Variants in FAF1 observed in about 807,000 individuals in gnomAD.
FAF1 encodes Fas associated factor 1, also known as FAS-associated factor 1.
Under a neutral mutation model 92.5 loss-of-function variants are expected in FAF1, and 25 were observed. That is an observed-to-expected ratio of 0.27 (90% CI 0.20 to 0.38). The LOEUF (loss-of-function observed/expected upper bound fraction) is 0.38. Ranked by LOEUF, FAF1 falls within the 10% of genes least tolerant of loss-of-function variation. The pLI is 1.00. For missense variants in FAF1, 636 were observed against 793.3 expected (o/e 0.80, Z 2.38); for synonymous variants, 234 against 273.2 (o/e 0.86, Z 1.42).
chr1:50,437,475 C>A lies in FAF1; in HGVS notation c.*3965G>T, dbSNP rs370488234. On this transcript the variant is annotated 3_prime_UTR_variant, in exon 19 of 19. Transcript: ENST00000396153. ...TCATGGCTCACTGTAGCCTTGAACTCCTGGGCTCAAGTGATCACTTTGCCT... is the reference window on the plus strand; with the variant it reads ...TCATGGCTCACTGTAGCCTTGAACTACTGGGCTCAAGTGATCACTTTGCCT... The A allele has an allele frequency of 5.9e-5, 9 of 151,784 alleles. No homozygotes were observed. Among genetic ancestry groups the A allele is most frequent in the African/African-American group, 2.2e-4 (9 of 41,286 alleles). 9.4% of individuals were successfully genotyped at this position (151,784 alleles called of 1,614,324 possible). A position where few individuals can be genotyped will look rare whatever the true frequency, so the allele number is the denominator to read the frequency against.
chr1:50,447,835 C>G (rs973013283), intron 18 of FAF1, among the ~76,000 whole-genome samples: 1 of 152,116 alleles, frequency 6.6e-6, no homozygotes, highest in Admixed American at 6.5e-5. Flanking sequence ...TTCAGAAAAC[C>G]CTCTCCTCTC....
intron 4 of FAF1, among the ~76,000 whole-genome samples, chr1:50,747,096 C>G (rs1372333949): frequency 6.6e-6 from 1 of 152,196 alleles, no homozygotes; most frequent in Non-Finnish European, 1.5e-5. Flanking sequence ...TAGGACAGTG[C>G]AGAGAAGAAA....
At chr1:50,548,638 C>T (rs1447920831) in intron 13 of FAF1, among the ~76,000 whole-genome samples, 2 of 152,176 alleles carry the variant, frequency 1.3e-5, no homozygotes, top group African/African-American at 2.4e-5. Context: ...TCAAAATAAG[C>T]AGGTGTTGGT....
chr1:50,449,454 A>G (rs1646268070), intron 18 of FAF1, among the ~76,000 whole-genome samples: 3 of 144,696 alleles, frequency 2.1e-5, no homozygotes, highest in African/African-American at 7.6e-5. Flanking sequence ...CAAAATTAGC[A>G]TTTACTTTGA....
chr1:50,539,524 T>C lies in FAF1; in HGVS notation c.1405+68A>G. 3 of 1,091,272 alleles carry C rather than the reference T, an allele frequency of 2.7e-6. No homozygotes were observed. The East Asian group carries it at 8.1e-5, about 29-fold the overall frequency. The allele number at this position is 1,091,272 out of a possible 1,614,324, so 67.6% of individuals were successfully genotyped here. A position where few individuals can be genotyped will look rare whatever the true frequency, so the allele number is the denominator to read the frequency against. ...TTTACTAATAGAAATATTGTCAGCT[T>C]GGGTGGAAAAACTATAAAGTTATCA... On this transcript the variant is annotated intron_variant, in intron 14 of 18. Coordinates refer to ENST00000396153, the MANE Select transcript of FAF1 (RefSeq NM_007051.3).
intron 1 of FAF1, among the ~76,000 whole-genome samples, chr1:50,863,487 C>A (rs562828478): frequency 1.4e-4 from 21 of 151,734 alleles, no homozygotes; most frequent in Admixed American, 1.2e-3. Flanking sequence ...AAACCCAAAC[C>A]CAGCAGAAAA....
intron 7 of FAF1, among the ~76,000 whole-genome samples, chr1:50,659,018 T>C (rs1045310730): frequency 1.3e-5 from 2 of 152,186 alleles, no homozygotes; most frequent in Admixed American, 1.3e-4. Context: ...TTGATGGTTA[T>C]ATTTAATAAA....
At chr1:50,707,883 A>G (rs943388127) in intron 6 of FAF1, among the ~76,000 whole-genome samples, 2 of 152,090 alleles carry the variant, frequency 1.3e-5, no homozygotes, top group African/African-American at 4.8e-5. Context: ...AGGAGTTAAG[A>G]CTTTGATTTT....
chr1:50,630,605 G>C (rs1364946058), intron 8 of FAF1, among the ~76,000 whole-genome samples: 2 of 151,962 alleles, frequency 1.3e-5, no homozygotes, highest in Non-Finnish European at 2.9e-5. Context: ...TAAACTGATA[G>C]TTAAGTATTC....
intron 1 of FAF1, among the ~76,000 whole-genome samples, chr1:50,902,598 G>A (rs1644804424): frequency 6.6e-6 from 1 of 152,098 alleles, no homozygotes; most frequent in Admixed American, 6.5e-5. Flanking sequence ...ATATGCAGTT[G>A]TCTCTTGGTA....
chr1:50,923,819 C>A (rs893514727), intron 1 of FAF1, among the ~76,000 whole-genome samples: 3 of 152,114 alleles, frequency 2.0e-5, no homozygotes, highest in African/African-American at 7.2e-5. Flanking sequence ...GAATCAAGAA[C>A]CAGAATCATA....
At chr1:50,558,764 G>A (rs1649720160) in intron 13 of FAF1, among the ~76,000 whole-genome samples, 1 of 152,156 alleles carries the variant, frequency 6.6e-6, no homozygotes, top group Admixed American at 6.5e-5. Flanking sequence ...TTCCTGAATA[G>A]CATTAATTAG....
chr1:50,684,260 T>G (rs1656554676), intron 7 of FAF1, among the ~76,000 whole-genome samples: 1 of 147,960 alleles, frequency 6.8e-6, no homozygotes, highest in Non-Finnish European at 1.5e-5. Flanking sequence ...CAACAGACTT[T>G]TTTTTTTTTT....
At chr1:50,441,686 G>T (rs571458281) in intron 18 of FAF1, among the ~76,000 whole-genome samples, 163 bp from the exon 19 acceptor site, 1 of 152,292 alleles carries the variant, frequency 6.6e-6, no homozygotes, top group African/African-American at 2.4e-5. Flanking sequence ...GGCAGGTGTT[G>T]TTATTCTCAT....
intron 13 of FAF1, among the ~76,000 whole-genome samples, chr1:50,554,366 T>A (rs1320491780): frequency 9.9e-6 from 1 of 101,036 alleles, no homozygotes; most frequent in African/African-American, 4.1e-5. Flanking sequence ...ATGAGGTAAA[T>A]ATATATATAT....
chr1:50,443,080 T>A (rs1646188509), intron 18 of FAF1, among the ~76,000 whole-genome samples: 1 of 152,244 alleles, frequency 6.6e-6, no homozygotes, highest in Non-Finnish European at 1.5e-5. Flanking sequence ...CTGCCTCTGC[T>A]TCTCATTCGT....
At chr1:50,586,159 C>T (rs1250437840) in intron 9 of FAF1, among the ~76,000 whole-genome samples, 6 of 152,232 alleles carry the variant, frequency 3.9e-5, no homozygotes, top group Admixed American at 2.0e-4. Flanking sequence ...CTGTCATCGG[C>T]GGTTTTCTAA....
chr1:50,856,723 T>A (rs1159144465), intron 2 of FAF1, among the ~76,000 whole-genome samples: 1 of 151,664 alleles, frequency 6.6e-6, no homozygotes, highest in African/African-American at 2.4e-5. Flanking sequence ...CTGAAAAAAA[T>A]AGGTTAAATA....
intron 18 of FAF1, among the ~76,000 whole-genome samples, chr1:50,441,802 C>T (rs900433005): frequency 6.6e-6 from 1 of 151,950 alleles, no homozygotes; most frequent in Non-Finnish European, 1.5e-5. Context: ...ACAGGGGGCC[C>T]TTGGGAAAGG....
Sources: gnomAD v4.1 joint callset for allele counts (sites outside exome capture counted in the v4.1 genomes callset) on GRCh38, gnomAD v4.1.1 for gene constraint, MANE v1.5 for transcripts, NCBI Gene and HGNC (gene_info 2026-07-23, HGNC 2026-07-21) for gene names.